PNPLA7: variants seen among roughly 807,000 people sequenced by gnomAD.
PNPLA7 encodes patatin-like phospholipase domain-containing protein 7.
In PNPLA7, 153 loss-of-function variants were observed where a neutral mutation model predicts 161.7. The observed-to-expected ratio is 0.95, with a 90% CI of 0.83 to 1.08. The LOEUF is 1.08. Ranked by LOEUF, PNPLA7 falls within the 50% of genes least tolerant of loss-of-function variation. PNPLA7 has a pLI of 0.00. For missense variants in PNPLA7, 1,739 were observed against 1,856.6 expected (o/e 0.94, Z 1.16); for synonymous variants, 809 against 782.1 (o/e 1.03, Z -0.57).
Position 137,499,899 on chromosome 9 carries a change from G to A in PNPLA7, c.1757+792C>T, listed in dbSNP as rs1833285892. 6.6e-6 allele frequency among the ~76,000 whole-genome samples: 1 copy of A among 152,236 alleles called. No individual in the cohort carries two copies. On this transcript the variant is annotated intron_variant, in intron 16 of 34. Coordinates refer to ENST00000406427, the MANE Select transcript of PNPLA7 (RefSeq NM_001098537.3). This position sits in a 1 kb window ranked among gnomAD's most constrained non-coding sequence, Gnocchi z 5.5. ...AGCTCTGAGACCACAGCAGACATCTGGCCTATGAGGGTGCGGAGGACTTCC... is the reference window on the plus strand; with the variant it reads ...AGCTCTGAGACCACAGCAGACATCTAGCCTATGAGGGTGCGGAGGACTTCC...
At chr9:137,471,359 G>T (rs936712426) in intron 25 of PNPLA7, among the ~76,000 whole-genome samples, 27 of 152,122 alleles carry the variant, frequency 1.8e-4, no homozygotes, top group African/African-American at 6.5e-4. Flanking sequence ...CTAGCACTTT[G>T]GGAGGCCAAG....
At position 137,475,445 on chromosome 9, in the gene PNPLA7, G is replaced by T. The variant is rs142398932; in HGVS notation, c.2882+2589C>A. 4.7e-3 allele frequency among the ~76,000 whole-genome samples: 716 copies of T among 152,314 alleles called. 3 individuals carry two copies. The highest frequency in any genetic ancestry group is 0.016 in the African/African-American group (679 of 41,564). On this transcript the variant is annotated intron_variant, in intron 25 of 34. Coordinates refer to ENST00000406427, the MANE Select transcript of PNPLA7 (RefSeq NM_001098537.3). ...GCTGGAGGGCAGTGGCGCAATCTCA[G>T]CTCACTGTAAGCTCCATCCCCCCGG... is the stretch of plus-strand genomic sequence containing the variant.
chr9:137,522,589 C>T, intron 9 of PNPLA7, 140 bp downstream of exon 9: 1 of 955,274 alleles, frequency 1.0e-6, no homozygotes, highest in Non-Finnish European at 1.6e-6. Context: ...CTCTATTCCT[C>T]TGAAATCACC....
At chr9:137,522,280 G>GTT in intron 9 of PNPLA7, among the ~76,000 whole-genome samples, 1 of 148,994 alleles carries the variant, frequency 6.7e-6, no homozygotes, top group African/African-American at 2.6e-5. Flanking sequence ...TTCACCGTGT[G>GTT]AGCCAGGATG....
At chr9:137,488,837 AC>A in intron 20 of PNPLA7, among the ~76,000 whole-genome samples, 1 of 145,910 alleles carries the variant, frequency 6.9e-6, no homozygotes, top group Non-Finnish European at 1.5e-5. Flanking sequence ...CCAACTGTGC[AC>A]CCCCTGACCA....
At chr9:137,534,302 C>T (rs1451890295) in intron 8 of PNPLA7, among the ~76,000 whole-genome samples, 1 of 151,894 alleles carries the variant, frequency 6.6e-6, no homozygotes, top group African/African-American at 2.4e-5. Flanking sequence ...GGGGCACTCC[C>T]AGGCTCCTCC....
At chr9:137,522,934 C>T in intron 8 of PNPLA7, 77 bp from the exon 9 acceptor site, 1 of 1,581,666 alleles carries the variant, frequency 6.3e-7, no homozygotes, top group Non-Finnish European at 8.6e-7. Context: ...TCCTGGAAGC[C>T]CTGGAGGAGG....
At chr9:137,477,882 C>T in intron 25 of PNPLA7, 152 bp downstream of exon 25, 1 of 545,456 alleles carries the variant, frequency 1.8e-6, no homozygotes, top group South Asian at 9.4e-5. Context: ...AGAGGACAGG[C>T]CGGGGTGGAG....
chr9:137,490,230 A>G lies in PNPLA7; in HGVS notation c.2197+2783T>C, dbSNP rs1450116640. On this transcript the variant is annotated intron_variant, in intron 20 of 34. Transcript: ENST00000406427. The surrounding 1 kb of genome is among the most constrained non-coding windows in gnomAD (Gnocchi z 4.1). The stretch of plus-strand genomic sequence containing the variant: ...CACCTCAACCCTCTGCATAGCTGGG[A>G]CGACAGGTGTGTGCTAACATGCCTG... Among the ~76,000 whole-genome samples the G allele has an allele frequency of 6.6e-6, 1 of 152,176 alleles. No homozygotes were observed.
chr9:137,462,066 C>G, intron 31 of PNPLA7, 25 bp from the exon 32 acceptor site: 2 of 1,551,830 alleles, frequency 1.3e-6, no homozygotes, highest in Non-Finnish European at 1.7e-6. Flanking sequence ...AGGGCCCCGT[C>G]AGGAGGTGTG....
intron 1 of PNPLA7, among the ~76,000 whole-genome samples, chr9:137,548,147 T>G (rs1588728451): frequency 6.6e-6 from 1 of 152,146 alleles, no homozygotes; most frequent in East Asian, 1.9e-4. Context: ...CAGCAGGACT[T>G]CAGAAGTCCA....
chr9:137,497,112 C>T (rs1039402078), intron 18 of PNPLA7, 75 bp downstream of exon 18: 15 of 1,368,068 alleles, frequency 1.1e-5, no homozygotes, highest in African/African-American at 3.0e-5. Context: ...GGCCAGGCCA[C>T]ACCCAGGCCA....
intron 11 of PNPLA7, among the ~76,000 whole-genome samples, chr9:137,518,725 C>G (rs1588665376): frequency 1.2e-5 from 1 of 83,748 alleles, no homozygotes. Flanking sequence ...CCCACTCACT[C>G]ACTCCACTCT....
rs1190295519 is a variant in PNPLA7, at chr9:137,506,103, T to G, written c.1226-20A>C. ...GGCCCCCTACACACAGAGGGGACACTCAGGACACGGTTCGCTAGGCCACTG... is the reference window on the plus strand; with the variant it reads ...GGCCCCCTACACACAGAGGGGACACGCAGGACACGGTTCGCTAGGCCACTG... On this transcript the variant is annotated intron_variant, in intron 12 of 34. Transcript: ENST00000406427. 1 of 1,598,378 alleles carries G rather than the reference T, an allele frequency of 6.3e-7. No individual in the cohort carries two copies. The highest frequency in any genetic ancestry group is 8.5e-7 in the Non-Finnish European group (1 of 1,170,662).
At position 137,460,400 on chromosome 9, in the gene PNPLA7, T is replaced by G. The variant is rs981415218; in HGVS notation, c.4022A>C (p.Asp1341Ala). ...PKLSEGSSDQ[D>A]G ...GCTCTTTAGCAGAGGCCTCTACCCG[T>G]CCTGGTCAGAGGAGCCCTCAGACAG... The change falls in exon 35 of 35, where the codon GAC becomes GCC. Residue 1341 changes from aspartate (D) to alanine (A), a missense_variant. This residue lies in a region of PNPLA7 where 703 missense variants were observed against 694.6 expected (regional missense o/e 1.01). Transcript: ENST00000406427. The G allele has an allele frequency of 6.2e-7, 1 of 1,612,248 alleles. No individual in the cohort carries two copies. Among genetic ancestry groups the G allele is most frequent in the African/African-American group, 1.3e-5 (1 of 74,928 alleles).
intron 19 of PNPLA7, 139 bp downstream of exon 19, chr9:137,494,894 C>T (rs1244192383): frequency 3.9e-6 from 3 of 774,622 alleles, no homozygotes; most frequent in Non-Finnish European, 4.3e-6. Flanking sequence ...CCACTCCGCG[C>T]CTTCACCTGC....
chr9:137,462,416 G>T, intron 30 of PNPLA7, 85 bp from the exon 31 acceptor site: 1 of 1,514,294 alleles, frequency 6.6e-7, no homozygotes, highest in South Asian at 1.3e-5. Context: ...AGGTTCTGGG[G>T]ACCCATCCTC....
At position 137,524,849 on chromosome 9, in the gene PNPLA7, T is replaced by G. The variant is rs376646467; in HGVS notation, c.748-1992A>C. Among the ~76,000 whole-genome samples the G allele has an allele frequency of 1.4e-4, 20 of 145,886 alleles. No homozygotes were observed. The highest frequency in any genetic ancestry group is 2.7e-4 in the Admixed American group (4 of 14,778). On this transcript the variant is annotated intron_variant, in intron 8 of 34. Coordinates refer to ENST00000406427, the MANE Select transcript of PNPLA7 (RefSeq NM_001098537.3). The surrounding 1 kb of genome is among the most constrained non-coding windows in gnomAD (Gnocchi z 4.4). ...TGGATGCCCCGTGGAATGAGTTTCC[T>G]TGGATGCCCCGTGGAATGAGTTTCC...
In PNPLA7 at chr9:137,505,661, T is replaced by C; in HGVS notation, c.1426A>G (p.Ile476Val). Reference protein sequence around the residue: ...ETLASRKSDAIFRAAKKDLLT... With the variant: ...ETLASRKSDAVFRAAKKDLLT... ...AGGTCCTTCTTGGCAGCTCTGAAGA[T>C]GGCATCCGACTTCCTGCTGGCCAGG... is the stretch of plus-strand genomic sequence containing the variant. The change falls in exon 14 of 35, where the codon ATC becomes GTC. Residue 476 changes from isoleucine to valine, a missense_variant. Around this residue, in one of 6 missense-constraint regions of PNPLA7, gnomAD observed 481 missense variants for 450.0 expected, o/e 1.07. Coordinates refer to ENST00000406427, the MANE Select transcript of PNPLA7 (RefSeq NM_001098537.3). 3 of 1,614,100 alleles carry C rather than the reference T, an allele frequency of 1.9e-6. No homozygotes were observed. Among genetic ancestry groups the C allele is most frequent in the Middle Eastern group, 1.6e-4 (1 of 6,062 alleles).
Sources: gnomAD v4.1 joint callset for allele counts (sites outside exome capture counted in the v4.1 genomes callset) on GRCh38, gnomAD v4.1.1 for gene constraint, gnomAD v4.1.1 regional missense constraint, Gnocchi (gnomAD v3.1) non-coding constraint, MANE v1.5 for transcripts, NCBI Gene and HGNC (gene_info 2026-07-23, HGNC 2026-07-21) for gene names.